Variants in GABBR2 observed in about 807,000 individuals in gnomAD.
GABBR2 encodes gamma-aminobutyric acid type B receptor subunit 2.
In GABBR2, 23 loss-of-function variants were observed where a neutral mutation model predicts 105.6. The observed-to-expected ratio is 0.22, with a 90% CI of 0.16 to 0.31. The LOEUF is 0.31. Among genes scored for constraint, GABBR2 ranks in the 10% least tolerant of loss-of-function variants. GABBR2 has a pLI of 1.00. For synonymous variants in GABBR2, 478 were observed against 499.7 expected, an observed-to-expected ratio of 0.96 and a Z score of 0.58; for missense variants, 734 against 1,245.5, an observed-to-expected ratio of 0.59 and a Z score of 6.18.
intron 3 of GABBR2, among the ~76,000 whole-genome samples, chr9:98,504,078 TC>T (rs1181633490): frequency 6.6e-6 from 1 of 151,880 alleles, no homozygotes; most frequent in Non-Finnish European, 1.5e-5. Context: ...CCAGGATTGC[TC>T]CCCTGCTCTC....
At chr9:98,543,679 A>G (rs910508957) in intron 2 of GABBR2, among the ~76,000 whole-genome samples, 1 of 152,164 alleles carries the variant, frequency 6.6e-6, no homozygotes, top group Admixed American at 6.5e-5. Flanking sequence ...TGTAAAAGTA[A>G]TTGGTAGTTC....
chr9:98,540,435 G>A (rs972655965), intron 3 of GABBR2, among the ~76,000 whole-genome samples: 16 of 152,184 alleles, frequency 1.1e-4, no homozygotes, highest in African/African-American at 2.9e-4. Context: ...GCAAGGTAAC[G>A]TCTCCAAGGT....
intron 17 of GABBR2, among the ~76,000 whole-genome samples, chr9:98,296,915 C>T (rs1286354831): frequency 6.6e-6 from 1 of 152,062 alleles, no homozygotes; most frequent in African/African-American, 2.4e-5. Context: ...TCAACCTTTC[C>T]TTTTGTGATT....
intron 3 of GABBR2, among the ~76,000 whole-genome samples, chr9:98,524,498 C>T (rs1827923436): frequency 6.6e-6 from 1 of 152,172 alleles, no homozygotes; most frequent in African/African-American, 2.4e-5. Context: ...CCTATTCAAC[C>T]TCTCCATCTG....
chr9:98,586,091 A>T (rs1025886373), intron 1 of GABBR2, among the ~76,000 whole-genome samples: 1 of 152,122 alleles, frequency 6.6e-6, no homozygotes, highest in Admixed American at 6.5e-5. Context: ...GTGCTGTGAA[A>T]TATTTCACTC....
chr9:98,386,212 G>GTTTTT (rs201485919), intron 10 of GABBR2, among the ~76,000 whole-genome samples: 18 of 136,472 alleles, frequency 1.3e-4, no homozygotes, highest in African/African-American at 4.3e-4. Flanking sequence ...AAGTCAACAG[G>GTTTTT]TTTTTTTTTT....
intron 6 of GABBR2, among the ~76,000 whole-genome samples, chr9:98,466,803 T>C (rs1225923035): frequency 1.3e-5 from 2 of 152,188 alleles, no homozygotes; most frequent in African/African-American, 2.4e-5. Flanking sequence ...TTAAATGAGA[T>C]AGGTTATTTC....
At chr9:98,554,603 G>T (rs112872864) in intron 2 of GABBR2, among the ~76,000 whole-genome samples, 2 of 152,076 alleles carry the variant, frequency 1.3e-5, no homozygotes, top group African/African-American at 4.8e-5. Context: ...AAGAATAATA[G>T]CAAAACCAAT....
chr9:98,648,080 G>GGTGTGGGT lies in GABBR2; in HGVS notation c.321+60336_321+60337insACCCACAC, dbSNP rs367677621. Among the ~76,000 whole-genome samples the GGTGTGGGT allele has an allele frequency of 8.5e-4, 58 of 68,014 alleles. 2 individuals carry two copies. Among genetic ancestry groups the GGTGTGGGT allele is most frequent in the East Asian group, 7.3e-3 (19 of 2,592 alleles). The allele number at this position is 68,014 out of a possible 152,430, so 44.6% of individuals were successfully genotyped here. ...CCCCTTTCTATCATTAATCATACAGGGTGTGTGTGTGTGTGTGTGTGTGTG... is the reference window on the plus strand; with the variant it reads ...CCCCTTTCTATCATTAATCATACAGGGTGTGGGTGTGTGTGTGTGTGTGTGTGTGTGTG... On this transcript the variant is annotated intron_variant, in intron 1 of 18. Transcript: ENST00000259455.
chr9:98,364,565 A>G (rs1414772482), intron 12 of GABBR2, among the ~76,000 whole-genome samples: 1 of 150,812 alleles, frequency 6.6e-6, no homozygotes, highest in Non-Finnish European at 1.5e-5. Flanking sequence ...AAATCCTTCC[A>G]ATTTAATGGC....
chr9:98,617,001 A>G (rs540792645), intron 1 of GABBR2, among the ~76,000 whole-genome samples: 82 of 152,324 alleles, frequency 5.4e-4, no homozygotes, highest in African/African-American at 1.9e-3. Context: ...AAATATCTAC[A>G]TTCCAGGCTT....
intron 7 of GABBR2, among the ~76,000 whole-genome samples, chr9:98,434,326 AC>A (rs564166656): frequency 1.1e-3 from 175 of 152,250 alleles, no homozygotes; most frequent in Non-Finnish European, 1.7e-3. Flanking sequence ...CTTTATATAG[AC>A]ATCTATCCTA....
At chr9:98,410,120 A>ATTTTTTTTTTTT (rs564055730) in intron 7 of GABBR2, among the ~76,000 whole-genome samples, 2,032 of 147,166 alleles carry the variant, frequency 0.014, 56 homozygotes, top group African/African-American at 0.048. Context: ...TTGAGCTGGA[A>ATTTTTTTTTTTT]TTTTTTTTTT....
chr9:98,408,633 C>T (rs957009380), intron 7 of GABBR2, among the ~76,000 whole-genome samples: 1 of 152,234 alleles, frequency 6.6e-6, no homozygotes, highest in African/African-American at 2.4e-5. Context: ...CTACTGCGTG[C>T]TCGATACCCT....
chr9:98,663,566 G>T (rs1294683236), intron 1 of GABBR2, among the ~76,000 whole-genome samples: 2 of 151,416 alleles, frequency 1.3e-5, no homozygotes, highest in Non-Finnish European at 2.9e-5. Flanking sequence ...AAAGATAGAT[G>T]GGCAGCCAAC....
At chr9:98,584,983 C>T (rs1829048475) in intron 1 of GABBR2, among the ~76,000 whole-genome samples, 1 of 152,164 alleles carries the variant, frequency 6.6e-6, no homozygotes, top group Admixed American at 6.5e-5. Flanking sequence ...TAGCTAAGCT[C>T]CGCAGAGTGA....
At chr9:98,597,162 C>T (rs759013110) in intron 1 of GABBR2, among the ~76,000 whole-genome samples, 10 of 152,176 alleles carry the variant, frequency 6.6e-5, no homozygotes, top group African/African-American at 1.2e-4. Context: ...GGCCCCCACC[C>T]GTCAGCCTAG....
At position 98,349,343 on chromosome 9, in the gene GABBR2, AGTTTT is replaced by A. The variant is rs773833528; in HGVS notation, c.1893+13367_1893+13371del. ...ATTTGGTTTGCCAATATTTTGTTGAAGTTTTGTTTTTTTTTTTTTTTTTTTTTTTT... is the reference window on the plus strand; with the variant it reads ...ATTTGGTTTGCCAATATTTTGTTGAAGTTTTTTTTTTTTTTTTTTTTTTTT... On this transcript the variant is annotated intron_variant, in intron 13 of 18. Coordinates refer to ENST00000259455, the MANE Select transcript of GABBR2 (RefSeq NM_005458.8). Among the ~76,000 whole-genome samples the A allele has an allele frequency of 1.7e-4, 6 of 35,552 alleles. 2 individuals are homozygous for A. The highest frequency in any genetic ancestry group is 5.1e-4 in the African/African-American group (6 of 11,816). 23.3% of individuals were successfully genotyped at this position (35,552 alleles called of 152,430 possible).
At chr9:98,527,097 A>T (rs1564104295) in intron 3 of GABBR2, among the ~76,000 whole-genome samples, 2 of 147,438 alleles carry the variant, frequency 1.4e-5, no homozygotes, top group African/African-American at 2.5e-5. Context: ...ATATAATAAT[A>T]ATATATATAT....
Sources: gnomAD v4.1 joint callset for allele counts (sites outside exome capture counted in the v4.1 genomes callset) on GRCh38, gnomAD v4.1.1 for gene constraint, MANE v1.5 for transcripts, NCBI Gene and HGNC (gene_info 2026-07-23, HGNC 2026-07-21) for gene names.